Variants in ARSJ observed in about 807,000 individuals in gnomAD.
The protein encoded by ARSJ is arylsulfatase family member J, also known as arylsulfatase J.
A neutral mutation model predicts 35.9 loss-of-function variants in ARSJ; 26 were observed. The observed-to-expected ratio is 0.72, with a 90% CI of 0.53 to 1.00. The LOEUF is 1.00. ARSJ is among the 50% of genes least tolerant of loss of function. The pLI is 0.00. For missense variants in ARSJ, 667 were observed against 723.6 expected, an observed-to-expected ratio of 0.92 and a Z score of 0.90; for synonymous variants, 294 against 267.6, an observed-to-expected ratio of 1.10 and a Z score of -0.96.
At position 113,902,369 on chromosome 4, in the gene ARSJ, C is replaced by T; in HGVS notation, c.1705G>A (p.Ala569Thr). The change falls in exon 2 of 2, where the codon GCT becomes ACT. Residue 569 changes from alanine to threonine, a missense_variant. Transcript: ENST00000315366. ...TTGCTTTTCTTTTGCTTTTTCTCAG[C>T]CTGATTTTTGCTTGGCTTCTTTTTC... ...TKKKKPSKNQ[A>T]EKKQKKSKKK... The T allele has an allele frequency of 6.2e-7, 1 of 1,613,596 alleles. No homozygotes were observed. Among genetic ancestry groups the T allele is most frequent in the East Asian group, 2.2e-5 (1 of 44,886 alleles).
intron 1 of ARSJ, among the ~76,000 whole-genome samples, chr4:113,973,351 GTTAAT>G (rs1562380189): frequency 2.0e-5 from 3 of 152,144 alleles, no homozygotes; most frequent in Non-Finnish European, 2.9e-5. Context: ...CATCCAGACA[GTTAAT>G]TTATTGACCT....
chr4:113,947,606 A>AGG (rs1554118825), intron 1 of ARSJ, among the ~76,000 whole-genome samples: 5 of 138,320 alleles, frequency 3.6e-5, no homozygotes, highest in African/African-American at 8.0e-5. Flanking sequence ...AGAGGGAGAG[A>AGG]GAGGGAGGGA....
intron 1 of ARSJ, among the ~76,000 whole-genome samples, chr4:113,948,704 G>A (rs1725660924): frequency 6.6e-6 from 1 of 151,998 alleles, no homozygotes; most frequent in African/African-American, 2.4e-5. Context: ...AGCACATATT[G>A]GAAAACCTAA....
chr4:113,919,351 C>A (rs1298047049), intron 1 of ARSJ, among the ~76,000 whole-genome samples: 4 of 152,168 alleles, frequency 2.6e-5, no homozygotes, highest in African/African-American at 9.6e-5. Flanking sequence ...GGTTACACCA[C>A]AGACTTAGGT....
At position 113,901,375 on chromosome 4, in the gene ARSJ, G is replaced by A. The variant is rs769233519; in HGVS notation, c.*899C>T. 2 of 152,100 alleles carry A rather than the reference G, an allele frequency of 1.3e-5. No individual in the cohort carries two copies. Among genetic ancestry groups the A allele is most frequent in the Non-Finnish European group, 2.9e-5 (2 of 68,000 alleles). 9.4% of individuals were successfully genotyped at this position (152,100 alleles called of 1,614,324 possible). ...AGTTTTCTGAATGATGTTTTTTATA[G>A]TCTGAATTCACACAGTATTACATTA... On this transcript the variant is annotated 3_prime_UTR_variant, in exon 2 of 2. Coordinates refer to ENST00000315366, the MANE Select transcript of ARSJ (RefSeq NM_024590.4).
chr4:113,923,941 CA>C (rs1258203081), intron 1 of ARSJ, among the ~76,000 whole-genome samples: 1 of 149,430 alleles, frequency 6.7e-6, no homozygotes, highest in Non-Finnish European at 1.5e-5. Context: ...AGCTAATTAT[CA>C]AGTGAATTTG....
Position 113,902,335 on chromosome 4 carries a change from T to C in ARSJ, c.1739A>G (p.Lys580Arg), listed in dbSNP as rs1387822231. The C allele has an allele frequency of 2.0e-5, 33 of 1,613,442 alleles. No homozygotes were observed. The highest frequency in any genetic ancestry group is 2.5e-5 in the Non-Finnish European group (29 of 1,179,962). ...EKKQKKSKKK[K>R]KKQQKAVSGS... is the part of the protein sequence containing the mutation. ...TGAGACTGCTTTCTGCTGTTTCTTCTTCTTTTTTTTGCTTTTCTTTTGCTT... is the reference window on the plus strand; with the variant it reads ...TGAGACTGCTTTCTGCTGTTTCTTCCTCTTTTTTTTGCTTTTCTTTTGCTT... Residue 580 changes from lysine to arginine, a missense_variant, in exon 2 of 2, where the codon AAG (lysine) becomes AGG (arginine). Transcript: ENST00000315366.
intron 1 of ARSJ, among the ~76,000 whole-genome samples, chr4:113,941,877 T>C (rs887737010): frequency 1.3e-5 from 2 of 152,032 alleles, no homozygotes; most frequent in African/African-American, 4.8e-5. Flanking sequence ...ATTATTATTA[T>C]GGATTAGAAA....
chr4:113,925,175 A>T (rs11098212), intron 1 of ARSJ, among the ~76,000 whole-genome samples: 6,175 of 152,158 alleles, frequency 0.041, 232 homozygotes, highest in East Asian at 0.21. Flanking sequence ...TAGCCTGTTG[A>T]CTTAAAGGTA....
intron 1 of ARSJ, among the ~76,000 whole-genome samples, chr4:113,916,600 A>C (rs1219367350): frequency 6.6e-6 from 1 of 151,928 alleles, no homozygotes; most frequent in East Asian, 1.9e-4. Context: ...ATTGTGTGCA[A>C]GTGGTGAAAT....
intron 1 of ARSJ, among the ~76,000 whole-genome samples, chr4:113,912,149 C>T (rs749976715): frequency 9.2e-5 from 14 of 152,130 alleles, no homozygotes; most frequent in Non-Finnish European, 2.1e-4. Flanking sequence ...CATGGGAACT[C>T]ATGTCGTCAT....
intron 1 of ARSJ, among the ~76,000 whole-genome samples, chr4:113,942,478 C>G (rs1725217649): frequency 6.6e-6 from 1 of 152,010 alleles, no homozygotes; most frequent in South Asian, 2.1e-4. Flanking sequence ...CAAATAAACT[C>G]CAAACAATAT....
At chr4:113,929,673 T>A (rs976098755) in intron 1 of ARSJ, among the ~76,000 whole-genome samples, 1 of 152,128 alleles carries the variant, frequency 6.6e-6, no homozygotes, top group African/African-American at 2.4e-5. Flanking sequence ...TAAGAGCTTG[T>A]GTCTGTTTTT....
chr4:113,928,918 G>A (rs916984348), intron 1 of ARSJ, among the ~76,000 whole-genome samples: 1 of 152,060 alleles, frequency 6.6e-6, no homozygotes, highest in African/African-American at 2.4e-5. Flanking sequence ...ATCCCTTCCT[G>A]TACATTAAAC....
intron 1 of ARSJ, among the ~76,000 whole-genome samples, chr4:113,916,804 A>G (rs1326593056): frequency 1.3e-5 from 2 of 152,210 alleles, no homozygotes; most frequent in African/African-American, 4.8e-5. Context: ...CTATGGAGGA[A>G]TGCAAAGAAA....
At chr4:113,917,429 A>G (rs1723379497) in intron 1 of ARSJ, among the ~76,000 whole-genome samples, 2 of 152,316 alleles carry the variant, frequency 1.3e-5, no homozygotes, top group African/African-American at 2.4e-5. Flanking sequence ...ATTTAAGGAT[A>G]TTTTATAATA....
chr4:113,971,875 T>C (rs1157490683), intron 1 of ARSJ, among the ~76,000 whole-genome samples: 1 of 152,198 alleles, frequency 6.6e-6, no homozygotes, highest in Non-Finnish European at 1.5e-5. Context: ...CCATGATGTT[T>C]ACAATAAGCT....
chr4:113,912,604 T>C (rs1347014144), intron 1 of ARSJ, among the ~76,000 whole-genome samples: 1 of 152,140 alleles, frequency 6.6e-6, no homozygotes, highest in Non-Finnish European at 1.5e-5. Flanking sequence ...ATATCTATTG[T>C]ATTATTACAT....
At chr4:113,947,627 G>A (rs914031951) in intron 1 of ARSJ, among the ~76,000 whole-genome samples, 2 of 146,302 alleles carry the variant, frequency 1.4e-5, no homozygotes, top group African/African-American at 2.5e-5. Flanking sequence ...GGAAGGAAGG[G>A]AAAGGAAGGA....
Sources: allele counts gnomAD v4.1 joint callset (sites outside exome capture counted in the v4.1 genomes callset), GRCh38; gene constraint gnomAD v4.1.1; transcripts MANE v1.5; gene names NCBI Gene and HGNC (gene_info 2026-07-23, HGNC 2026-07-21).